The following SCMH1 variants were observed in gnomAD, a reference collection of about 807,000 sequenced individuals.
The protein encoded by SCMH1 is polycomb protein SCMH1.
SCMH1 carries 37 observed loss-of-function variants against 70.8 expected under a neutral mutation model. The observed-to-expected ratio is 0.52, with a 90% CI of 0.40 to 0.69. The LOEUF is 0.69. Ranked by LOEUF, SCMH1 falls within the 30% of genes least tolerant of loss-of-function variation. SCMH1 has a pLI of 0.00. For missense variants in SCMH1, 607 were observed against 827.3 expected (o/e 0.73, Z 3.27); for synonymous variants, 292 against 307.4 (o/e 0.95, Z 0.52).
chr1:41,100,145 T>C (rs188377247), intron 8 of SCMH1, among the ~76,000 whole-genome samples: 92 of 152,224 alleles, frequency 6.0e-4, no homozygotes, highest in Non-Finnish European at 1.1e-3. Context: ...TCCCTATTGA[T>C]TTGAGTGAAG....
chr1:41,174,584 C>G (rs1646990867), intron 2 of SCMH1, among the ~76,000 whole-genome samples: 1 of 151,878 alleles, frequency 6.6e-6, no homozygotes. Flanking sequence ...GAGGTTCTTG[C>G]AGAAGGCAAA....
chr1:41,207,796 G>A (rs961721903), intron 1 of SCMH1, among the ~76,000 whole-genome samples: 48 of 152,020 alleles, frequency 3.2e-4, no homozygotes, highest in African/African-American at 1.1e-3. Flanking sequence ...GAGAGGATGT[G>A]GAGAAATAGG....
chr1:41,179,153 T>A (rs1490207989), intron 2 of SCMH1, among the ~76,000 whole-genome samples: 1 of 151,812 alleles, frequency 6.6e-6, no homozygotes, highest in South Asian at 2.1e-4. Context: ...CATAACGAAA[T>A]GAAGGCAGAA....
At chr1:41,160,788 T>C (rs1645953202) in intron 4 of SCMH1, 87 bp downstream of exon 4, 2 of 1,268,534 alleles carry the variant, frequency 1.6e-6, no homozygotes, top group Non-Finnish European at 2.2e-6. Context: ...GTGGAATTCT[T>C]TTCCTCGTTG....
intron 9 of SCMH1, among the ~76,000 whole-genome samples, chr1:41,071,173 C>A (rs2148879011): frequency 6.6e-6 from 1 of 152,318 alleles, no homozygotes; most frequent in African/African-American, 2.4e-5. Context: ...CTCTTCACCT[C>A]ATTACCTGCC....
In SCMH1 at chr1:41,146,450, A is replaced by C. The variant is rs148944116; in HGVS notation, c.178-3338T>G. Among the ~76,000 whole-genome samples the C allele has an allele frequency of 5.7e-3, 863 of 152,190 alleles. 4 individuals are homozygous for C. Among genetic ancestry groups the C allele is most frequent in the Middle Eastern group, 0.017 (5 of 294 alleles). On this transcript the variant is annotated intron_variant, in intron 5 of 14. Transcript: ENST00000337495. ...GTGGTACGCAGTTCACCACTTACTCACTGACTCACCCAGAGCAATTTCCAG... is the reference window on the plus strand; with the variant it reads ...GTGGTACGCAGTTCACCACTTACTCCCTGACTCACCCAGAGCAATTTCCAG...
chr1:41,234,343 C>T (rs1287542758), intron 1 of SCMH1, among the ~76,000 whole-genome samples: 2 of 151,604 alleles, frequency 1.3e-5, no homozygotes, highest in Admixed American at 6.6e-5. Flanking sequence ...ATTATCTGGG[C>T]ATGAGCACAC....
chr1:41,220,720 G>A (rs1249111998), intron 1 of SCMH1, among the ~76,000 whole-genome samples: 1 of 152,184 alleles, frequency 6.6e-6, no homozygotes, highest in Non-Finnish European at 1.5e-5. Context: ...TAATCTAAAG[G>A]AGTCTGAAAA....
exon 15 of SCMH1, chr1:41,028,039 C>A (rs1312551540): frequency 7.2e-6 from 6 of 831,078 alleles, no homozygotes; most frequent in East Asian, 2.5e-5. Flanking sequence ...CTTATCATGG[C>A]AGCTGTGGCT....
intron 8 of SCMH1, among the ~76,000 whole-genome samples, chr1:41,080,854 G>A (rs1463960730): frequency 1.3e-5 from 2 of 151,942 alleles, no homozygotes; most frequent in Non-Finnish European, 2.9e-5. Context: ...TTGAATTATG[G>A]GATAAAACAA....
chr1:41,105,112 T>C (rs1480582905), intron 8 of SCMH1, among the ~76,000 whole-genome samples: 3 of 151,672 alleles, frequency 2.0e-5, no homozygotes, highest in African/African-American at 4.8e-5. Flanking sequence ...CCCACCATCA[T>C]GCTCAGCTAA....
intron 4 of SCMH1, chr1:41,152,779 A>T: frequency 6.5e-7 from 1 of 1,542,262 alleles, no homozygotes. Context: ...AAGAAATCTA[A>T]ATCACTCCAA....
At chr1:41,159,694 CTA>C in intron 4 of SCMH1, 1 of 1,521,656 alleles carries the variant, frequency 6.6e-7, no homozygotes, top group South Asian at 1.3e-5. Context: ...TAAAAAATAA[CTA>C]TCATTTATCA....
At chr1:41,232,936 A>G (rs1661592728) in intron 1 of SCMH1, among the ~76,000 whole-genome samples, 1 of 152,204 alleles carries the variant, frequency 6.6e-6, no homozygotes, top group Non-Finnish European at 1.5e-5. Context: ...GCTATGTGGC[A>G]GCCCCTCAAA....
chr1:41,087,421 A>G (rs529594991), intron 8 of SCMH1, among the ~76,000 whole-genome samples: 3 of 152,182 alleles, frequency 2.0e-5, no homozygotes, highest in South Asian at 4.1e-4. Flanking sequence ...GTTACAATAA[A>G]AGGGTGTATC....
At chr1:41,181,569 A>T (rs1413911895) in intron 2 of SCMH1, among the ~76,000 whole-genome samples, 3 of 152,226 alleles carry the variant, frequency 2.0e-5, no homozygotes, top group African/African-American at 7.2e-5. Context: ...AAAAGAAGAC[A>T]TTTATGCAGC....
intron 4 of SCMH1, among the ~76,000 whole-genome samples, chr1:41,157,353 GTATTT>G (rs1273784065): frequency 1.3e-5 from 2 of 152,100 alleles, no homozygotes; most frequent in Non-Finnish European, 2.9e-5. Flanking sequence ...CAGCCAGTCT[GTATTT>G]TATTTAGCCA....
rs192005531 is a variant in SCMH1, at chr1:41,186,348, A to C, written c.-117-98T>G. 1.8e-3 allele frequency: 678 copies of C among 384,782 alleles called. 1 individual carries two copies. Among genetic ancestry groups the C allele is most frequent in the Non-Finnish European group, 1.8e-3 (380 of 207,420 alleles). 23.8% of individuals were successfully genotyped at this position (384,782 alleles called of 1,614,324 possible). On this transcript the variant is annotated intron_variant, in intron 1 of 14. Coordinates refer to ENST00000337495, the Ensembl canonical transcript of SCMH1. ...TAACAATTAGGCTACATTATAAGAAAAGTAGGAAATTTAGATACAGATTTT... is the reference window on the plus strand; with the variant it reads ...TAACAATTAGGCTACATTATAAGAACAGTAGGAAATTTAGATACAGATTTT...
chr1:41,159,175 C>T (rs537227273), intron 4 of SCMH1, among the ~76,000 whole-genome samples: 1 of 152,254 alleles, frequency 6.6e-6, no homozygotes, highest in Admixed American at 6.5e-5. Flanking sequence ...GCTCCTTATG[C>T]TAGATGGTAA....
Sources: allele counts gnomAD v4.1 joint callset (sites outside exome capture counted in the v4.1 genomes callset), GRCh38; gene constraint gnomAD v4.1.1; transcripts MANE v1.5; gene names NCBI Gene and HGNC (gene_info 2026-07-23, HGNC 2026-07-21).